Variants in FBXL16 observed in about 807,000 individuals in gnomAD.
FBXL16 encodes the protein F-box and leucine rich repeat protein 16.
Under a neutral mutation model 36.7 loss-of-function variants are expected in FBXL16, and 7 were observed. That is an observed-to-expected ratio of 0.19 (90% CI 0.11 to 0.36). FBXL16 has a LOEUF of 0.36. Among genes scored for constraint, FBXL16 ranks in the 10% least tolerant of loss-of-function variants. The pLI is 1.00. For synonymous variants in FBXL16, 355 were observed against 308.7 expected (o/e 1.15, Z -1.57); for missense variants, 463 against 659.4 (o/e 0.70, Z 3.26).
intron 2 of FBXL16, 135 bp downstream of exon 2, chr16:696,638 T>C: frequency 2.0e-6 from 1 of 504,486 alleles, no homozygotes. Context: ...ACCCACATTT[T>C]CGCTTTGCGC....
rs748355670 is a variant in FBXL16 at position 696,929 on chromosome 16, G to A, written c.477C>T (p.Asn159=). The stretch of plus-strand genomic sequence containing the variant: ...AGCCTCTGGCGGCAAAACCCTGCAG[G>A]TTCACGAACTCCTTCTCGCCACCAG... The part of the protein sequence containing the change: ...VLPGGEKEFV[N]LQGFAARGFE... The change falls in exon 2 of 6, where the codon AAC becomes AAT. Residue 159 remains asparagine (N), a synonymous_variant. Transcript: ENST00000397621. The A allele has an allele frequency of 9.5e-5, 153 of 1,607,486 alleles. 1 individual carries two copies. Among genetic ancestry groups the A allele is most frequent in the Non-Finnish European group, 1.2e-4 (142 of 1,178,280 alleles).
chr16:694,938 C>T, intron 4 of FBXL16, 54 bp downstream of exon 4: 1 of 1,473,776 alleles, frequency 6.8e-7, no homozygotes, highest in Non-Finnish European at 9.1e-7. Flanking sequence ...GGAGCTCTCC[C>T]CGCGCCCCCA....
At chr16:704,426 C>A (rs1398702256) in intron 1 of FBXL16, among the ~76,000 whole-genome samples, 2 of 152,184 alleles carry the variant, frequency 1.3e-5, no homozygotes, top group Admixed American at 6.5e-5. Context: ...CCTAGGGTTC[C>A]CCCACACAGC....
At chr16:701,378 C>T (rs955649970) in intron 1 of FBXL16, among the ~76,000 whole-genome samples, 1 of 152,344 alleles carries the variant, frequency 6.6e-6, no homozygotes, top group Middle Eastern at 3.4e-3. Flanking sequence ...AATCTCGCGT[C>T]CACGTTCCTG....
At chr16:695,331 C>G (rs1185096971) in intron 3 of FBXL16, 84 bp downstream of exon 3, 1 of 1,086,890 alleles carries the variant, frequency 9.2e-7, no homozygotes, top group African/African-American at 1.7e-5. Context: ...GCCCCCGCCC[C>G]CGGCCCCGTG....
intron 1 of FBXL16, among the ~76,000 whole-genome samples, chr16:702,591 C>T (rs918965317): frequency 2.0e-4 from 30 of 152,212 alleles, no homozygotes; most frequent in African/African-American, 7.0e-4. Context: ...GTGCAGCTGC[C>T]AAGGCCCCCG....
rs553551149 is a variant in FBXL16, at chr16:700,264, G to A, written c.-14-2845C>T. Among the ~76,000 whole-genome samples, 4 of 152,276 alleles carry A rather than the reference G, an allele frequency of 2.6e-5. No homozygotes were observed. In the East Asian group the frequency reaches 7.7e-4, roughly 29 times the overall value. ...TAAAGTCCTTCCTGCCCTAATGGCA[G>A]GAGCCCCAGCTCCACCCTCTGTACC... On this transcript the variant is annotated intron_variant, in intron 1 of 5. Transcript: ENST00000397621.
rs138733095 is a variant in FBXL16 at position 697,767 on chromosome 16, G to A, written c.-14-348C>T. 0.023 allele frequency among the ~76,000 whole-genome samples: 3,562 copies of A among 152,202 alleles called. 142 individuals are homozygous for A. Among genetic ancestry groups the A allele is most frequent in the African/African-American group, 0.081 (3,370 of 41,524 alleles). ...TGTAATCCCAGCACTTTGGGAGGCC[G>A]AGGCGGGTGGATCATGAGGTCAGGA... is the stretch of plus-strand genomic sequence containing the variant. On this transcript the variant is annotated intron_variant, in intron 1 of 5. Coordinates refer to ENST00000397621, the MANE Select transcript of FBXL16 (RefSeq NM_153350.4). This position sits in a 1 kb window ranked among gnomAD's most constrained non-coding sequence, Gnocchi z 4.6.
At chr16:696,719 T>C in intron 2 of FBXL16, 54 bp downstream of exon 2, 1 of 1,456,102 alleles carries the variant, frequency 6.9e-7, no homozygotes, top group Non-Finnish European at 9.0e-7. Context: ...TCCATAGGGT[T>C]GCTGCTGCCC....
intron 1 of FBXL16, among the ~76,000 whole-genome samples, chr16:704,706 TG>T (rs1376818903): frequency 1.3e-5 from 2 of 152,188 alleles, no homozygotes; most frequent in South Asian, 4.2e-4. Flanking sequence ...TGCACGGGTG[TG>T]GGGGAAGGGC....
intron 1 of FBXL16, among the ~76,000 whole-genome samples, chr16:702,316 TCTC>T (rs2040063544): frequency 1.3e-5 from 2 of 152,080 alleles, no homozygotes; most frequent in Non-Finnish European, 2.9e-5. Flanking sequence ...TGCAAGCTCT[TCTC>T]CTCCATCCCT....
intron 5 of FBXL16, 79 bp downstream of exon 5, chr16:694,555 G>C: frequency 6.5e-7 from 1 of 1,529,154 alleles, no homozygotes; most frequent in African/African-American, 1.4e-5. Flanking sequence ...GTTTGCACAA[G>C]GACCGGGCAG....
At chr16:696,635 T>A in intron 2 of FBXL16, 138 bp downstream of exon 2, 1 of 471,998 alleles carries the variant, frequency 2.1e-6, no homozygotes, top group Non-Finnish European at 2.8e-6. Flanking sequence ...GGGACCCACA[T>A]TTTCGCTTTG....
chr16:699,901 G>C (rs1174546126), intron 1 of FBXL16, among the ~76,000 whole-genome samples: 1 of 152,200 alleles, frequency 6.6e-6, no homozygotes, highest in Non-Finnish European at 1.5e-5. Flanking sequence ...GGAAGAGGAT[G>C]GCTCACATCT....
At chr16:702,254 G>A (rs529461390) in intron 1 of FBXL16, among the ~76,000 whole-genome samples, 3 of 152,244 alleles carry the variant, frequency 2.0e-5, no homozygotes, top group Admixed American at 6.5e-5. Context: ...TCCTCTGCCT[G>A]GGCACACGCC....
At chr16:695,160 G>A in intron 3 of FBXL16, 84 bp from the exon 4 acceptor site, 1 of 1,421,208 alleles carries the variant, frequency 7.0e-7, no homozygotes, top group Non-Finnish European at 9.6e-7. Context: ...CCCCTGGCGT[G>A]AATCCCTTCC....
chr16:698,932 AG>A (rs1443129194), intron 1 of FBXL16, among the ~76,000 whole-genome samples: 109 of 81,954 alleles, frequency 1.3e-3, no homozygotes, highest in African/African-American at 4.4e-3. Flanking sequence ...AAAAAAAAAA[AG>A]AAAGAAAGAA....
rs900406671 is a variant in FBXL16, at chr16:694,544, A to G, written c.1291+90T>C. On this transcript the variant is annotated intron_variant, in intron 5 of 5. Transcript: ENST00000397621. Reference sequence around the variant, plus strand: ...GGACTGTGTGTCCGCGCCGGGTGTGAGTTTGCACAAGGACCGGGCAGGTTG... The same window carrying G: ...GGACTGTGTGTCCGCGCCGGGTGTGGGTTTGCACAAGGACCGGGCAGGTTG... The G allele has an allele frequency of 4.6e-6, 7 of 1,514,750 alleles. No individual in the cohort carries two copies. In the African/African-American group the frequency reaches 9.7e-5, roughly 21 times the overall value. 93.8% of individuals were successfully genotyped at this position (1,514,750 alleles called of 1,614,324 possible).
rs935309222 is a variant in FBXL16 at position 694,205 on chromosome 16, G to C, written c.*70C>G. 7.6e-4 allele frequency: 869 copies of C among 1,136,834 alleles called. 4 individuals carry two copies. Among genetic ancestry groups the C allele is most frequent in the Middle Eastern group, 1.7e-3 (5 of 2,962 alleles). The allele number at this position is 1,136,834 out of a possible 1,614,324, so 70.4% of individuals were successfully genotyped here. A position where few individuals can be genotyped will look rare whatever the true frequency, so the allele number is the denominator to read the frequency against. ...CCCCGAGCGCAAGGCGGGAAGAGGG[G>C]GCTCGGCGGCGCCCCGCGCCCCCGC... On this transcript the variant is annotated 3_prime_UTR_variant, in exon 6 of 6. Transcript: ENST00000397621.
Sources: gnomAD v4.1 joint callset for allele counts (sites outside exome capture counted in the v4.1 genomes callset) on GRCh38, gnomAD v4.1.1 for gene constraint, Gnocchi (gnomAD v3.1) non-coding constraint, MANE v1.5 for transcripts, NCBI Gene and HGNC (gene_info 2026-07-23, HGNC 2026-07-21) for gene names.